SH3GL2: variants seen among roughly 807,000 people sequenced by gnomAD.
The protein encoded by SH3GL2 is endophilin-A1.
In SH3GL2, 24 loss-of-function variants were observed where a neutral mutation model predicts 46.0. The observed-to-expected ratio is 0.52, with a 90% CI of 0.38 to 0.73. The LOEUF (loss-of-function observed/expected upper bound fraction) is 0.73. Ranked by LOEUF, SH3GL2 falls within the 30% of genes least tolerant of loss-of-function variation. The pLI is 0.00. For missense variants in SH3GL2, 413 were observed against 424.2 expected, an observed-to-expected ratio of 0.97 and a Z score of 0.23; for synonymous variants, 196 against 147.1, an observed-to-expected ratio of 1.33 and a Z score of -2.40.
chr9:17,741,470 C>G (rs897609974), intron 1 of SH3GL2, among the ~76,000 whole-genome samples: 2 of 152,192 alleles, frequency 1.3e-5, no homozygotes, highest in East Asian at 1.9e-4. Context: ...TTTCTTTAGC[C>G]TTGGCTGTAA....
intron 1 of SH3GL2, among the ~76,000 whole-genome samples, chr9:17,620,731 A>G (rs1029717438): frequency 1.3e-5 from 2 of 152,240 alleles, no homozygotes; most frequent in Admixed American, 6.5e-5. Flanking sequence ...ATGTGGAGGG[A>G]GAGGGAGAAG....
chr9:17,729,815 C>T (rs946921620), intron 1 of SH3GL2, among the ~76,000 whole-genome samples: 3 of 152,046 alleles, frequency 2.0e-5, no homozygotes, highest in African/African-American at 4.8e-5. Flanking sequence ...GTTCATTGGT[C>T]TATATATCTG....
chr9:17,719,950 TTTTA>T (rs1486864887), intron 1 of SH3GL2, among the ~76,000 whole-genome samples: 1 of 149,672 alleles, frequency 6.7e-6, no homozygotes, highest in African/African-American at 2.5e-5. Context: ...TAGAATTTCT[TTTTA>T]TTTCTGTTTA....
At chr9:17,688,729 G>A (rs1310835963) in intron 1 of SH3GL2, among the ~76,000 whole-genome samples, 1 of 151,974 alleles carries the variant, frequency 6.6e-6, no homozygotes, top group Non-Finnish European at 1.5e-5. Flanking sequence ...AGCTCCTAAT[G>A]GCCAAAGACA....
chr9:17,749,044 G>C (rs1010658507), intron 2 of SH3GL2, among the ~76,000 whole-genome samples: 19 of 152,222 alleles, frequency 1.2e-4, no homozygotes, highest in Non-Finnish European at 7.3e-5. Flanking sequence ...TGGATACCCA[G>C]TGGTGAGGAG....
intron 7 of SH3GL2, 137 bp downstream of exon 7, chr9:17,791,471 A>T: frequency 3.2e-6 from 2 of 633,074 alleles, no homozygotes; most frequent in Non-Finnish European, 5.7e-6. Context: ...CGCCTTGTGG[A>T]TTGTTTTGAT....
chr9:17,705,843 G>T lies in SH3GL2; in HGVS notation c.46-41223G>T, dbSNP rs141369591. The stretch of plus-strand genomic sequence containing the variant: ...GAGGGTGAGGGTCGTAAAACTACCT[G>T]TTACGTACTGTGCCTATCACCTGGG... On this transcript the variant is annotated intron_variant, in intron 1 of 8. Transcript: ENST00000380607. Among the ~76,000 whole-genome samples the T allele has an allele frequency of 1.7e-3, 255 of 152,030 alleles. 1 individual carries two copies. Among genetic ancestry groups the T allele is most frequent in the African/African-American group, 5.9e-3 (246 of 41,496 alleles).
chr9:17,789,120 G>A (rs1824049202), intron 5 of SH3GL2, among the ~76,000 whole-genome samples: 1 of 152,154 alleles, frequency 6.6e-6, no homozygotes, highest in Admixed American at 6.5e-5. Context: ...GTCCAGCTTG[G>A]CTTTGGCCTG....
intron 1 of SH3GL2, among the ~76,000 whole-genome samples, chr9:17,608,867 A>G (rs1818808699): frequency 6.6e-6 from 1 of 152,274 alleles, no homozygotes; most frequent in Non-Finnish European, 1.5e-5. Flanking sequence ...GAATGTAGAC[A>G]GAAAATTCAG....
chr9:17,763,754 C>T (rs1386912951), intron 3 of SH3GL2, among the ~76,000 whole-genome samples: 1 of 152,094 alleles, frequency 6.6e-6, no homozygotes, highest in Non-Finnish European at 1.5e-5. Flanking sequence ...AAACAAGGGT[C>T]AGAGAATTTA....
chr9:17,662,218 C>G (rs1588214547), intron 1 of SH3GL2, among the ~76,000 whole-genome samples: 1 of 152,124 alleles, frequency 6.6e-6, no homozygotes, highest in Non-Finnish European at 1.5e-5. Flanking sequence ...ATAGTTCTAT[C>G]AGTTGCTGAG....
intron 1 of SH3GL2, among the ~76,000 whole-genome samples, chr9:17,677,018 G>A (rs757500536): frequency 5.9e-5 from 9 of 152,150 alleles, no homozygotes; most frequent in Non-Finnish European, 1.2e-4. Context: ...TCTGCTCAGA[G>A]GAGATCATGG....
At chr9:17,656,383 G>T (rs982279620) in intron 1 of SH3GL2, among the ~76,000 whole-genome samples, 4 of 151,426 alleles carry the variant, frequency 2.6e-5, no homozygotes, top group Admixed American at 2.6e-4. Flanking sequence ...TTGTAAATTT[G>T]TTGAAAATTG....
At chr9:17,769,840 A>C (rs1018234320) in intron 3 of SH3GL2, among the ~76,000 whole-genome samples, 5 of 152,208 alleles carry the variant, frequency 3.3e-5, no homozygotes, top group Admixed American at 6.5e-5. Context: ...GTAATAATGG[A>C]AGTAGTGCCC....
At chr9:17,684,237 G>T (rs1321776322) in intron 1 of SH3GL2, among the ~76,000 whole-genome samples, 1 of 152,072 alleles carries the variant, frequency 6.6e-6, no homozygotes, top group African/African-American at 2.4e-5. Context: ...AGTAGAAAAG[G>T]TGAGATTACA....
chr9:17,671,423 C>T (rs1028502018), intron 1 of SH3GL2, among the ~76,000 whole-genome samples: 8 of 152,000 alleles, frequency 5.3e-5, no homozygotes, highest in African/African-American at 1.9e-4. Flanking sequence ...GAGGCGATAA[C>T]ACGACAAGGT....
At chr9:17,647,244 G>A (rs1316198505) in intron 1 of SH3GL2, among the ~76,000 whole-genome samples, 1 of 152,166 alleles carries the variant, frequency 6.6e-6, no homozygotes, top group East Asian at 1.9e-4. Context: ...ATATATTTCT[G>A]TTGCTTCAAT....
At chr9:17,594,379 A>G (rs1163288207) in intron 1 of SH3GL2, among the ~76,000 whole-genome samples, 1 of 148,686 alleles carries the variant, frequency 6.7e-6, no homozygotes, top group Non-Finnish European at 1.5e-5. Context: ...TCAGCTTCAT[A>G]TTTTCTCAGA....
At chr9:17,768,524 T>G (rs1482117254) in intron 3 of SH3GL2, among the ~76,000 whole-genome samples, 1 of 152,086 alleles carries the variant, frequency 6.6e-6, no homozygotes, top group African/African-American at 2.4e-5. Context: ...ACCTAAATCC[T>G]CAGCATGGCC....
Sources: gnomAD v4.1 joint callset for allele counts (sites outside exome capture counted in the v4.1 genomes callset) on GRCh38, gnomAD v4.1.1 for gene constraint, MANE v1.5 for transcripts, NCBI Gene and HGNC (gene_info 2026-07-23, HGNC 2026-07-21) for gene names.